SEMA6D: variants seen among roughly 807,000 people sequenced by gnomAD.
SEMA6D encodes semaphorin-6D.
A neutral mutation model predicts 106.6 loss-of-function variants in SEMA6D; 35 were observed. The observed-to-expected ratio is 0.33, with a 90% CI of 0.25 to 0.44. The LOEUF is 0.44. Among genes scored for constraint, SEMA6D ranks in the 20% least tolerant of loss-of-function variants. The pLI is 1.00. For synonymous variants in SEMA6D, 499 were observed against 487.7 expected (o/e 1.02, Z -0.31); for missense variants, 1,185 against 1,345.9 (o/e 0.88, Z 1.87).
At chr15:47,503,826 A>G (rs1459049491) in intron 3 of SEMA6D, among the ~76,000 whole-genome samples, 1 of 152,122 alleles carries the variant, frequency 6.6e-6, no homozygotes, top group Non-Finnish European at 1.5e-5. Context: ...AAGTGAACCA[A>G]ACATCATTTG....
At chr15:47,331,161 A>G in intron 1 of SEMA6D, among the ~76,000 whole-genome samples, 1 of 152,208 alleles carries the variant, frequency 6.6e-6, no homozygotes. Context: ...GGGTCACCAT[A>G]GGAAAATCTG....
chr15:47,595,129 G>A (rs1036360728), intron 3 of SEMA6D, among the ~76,000 whole-genome samples: 1 of 152,124 alleles, frequency 6.6e-6, no homozygotes, highest in South Asian at 2.1e-4. Flanking sequence ...TCAAATGTTG[G>A]TCTAGTAAAA....
chr15:47,547,906 C>G lies in SEMA6D; in HGVS notation c.-86-52959C>G, dbSNP rs549003563. ...AAGAAAAGACAACTCCATTTTCTCACCAACATTCATCCTAAGTTTAGTCCA... is the reference window on the plus strand; with the variant it reads ...AAGAAAAGACAACTCCATTTTCTCAGCAACATTCATCCTAAGTTTAGTCCA... On this transcript the variant is annotated intron_variant, in intron 3 of 19. Coordinates refer to the SEMA6D transcript ENST00000558014. 2.0e-5 allele frequency among the ~76,000 whole-genome samples: 3 copies of G among 152,292 alleles called. No homozygotes were observed. In the East Asian group the frequency reaches 5.8e-4, roughly 29 times the overall value.
intron 3 of SEMA6D, among the ~76,000 whole-genome samples, chr15:47,573,422 T>C (rs2076098574): frequency 6.6e-6 from 1 of 152,214 alleles, no homozygotes; most frequent in Admixed American, 6.5e-5. Context: ...TATTTTTACA[T>C]GACAAACTTC....
intron 1 of SEMA6D, among the ~76,000 whole-genome samples, chr15:47,235,541 A>G (rs571983636): frequency 6.6e-6 from 1 of 152,148 alleles, no homozygotes; most frequent in Non-Finnish European, 1.5e-5. Flanking sequence ...ACATGTGGCT[A>G]TTCAATTTTC....
rs148665966 is a variant in SEMA6D, at chr15:47,766,272, C to T, written c.1646+90C>T. ...TTGCAGAAAACTTCCAATTATACTACTTTTCTTTTTTTTTGTTGTTATGGG... is the reference window on the plus strand; with the variant it reads ...TTGCAGAAAACTTCCAATTATACTATTTTTCTTTTTTTTTGTTGTTATGGG... On this transcript the variant is annotated intron_variant, in intron 15 of 18. Coordinates refer to ENST00000536845, the MANE Select transcript of SEMA6D (RefSeq NM_001358351.3). The T allele has an allele frequency of 5.3e-6, 6 of 1,132,556 alleles. No individual in the cohort carries two copies. The African/African-American group carries it at 9.6e-5, about 18-fold the overall frequency. The allele number at this position is 1,132,556 out of a possible 1,614,324, so 70.2% of individuals were successfully genotyped here.
intron 1 of SEMA6D, among the ~76,000 whole-genome samples, chr15:47,759,365 T>C (rs3809487): frequency 0.26 from 39,838 of 152,008 alleles, 10,034 homozygotes; most frequent in African/African-American, 0.64. Flanking sequence ...GTATTAGATA[T>C]ATTTCAGGAC....
intron 1 of SEMA6D, among the ~76,000 whole-genome samples, chr15:47,234,763 G>A (rs2032432799): frequency 6.6e-6 from 1 of 152,014 alleles, no homozygotes; most frequent in Admixed American, 6.6e-5. Context: ...GGGCACTTAG[G>A]TTGGCTCCAT....
At chr15:47,558,048 G>A (rs985348282) in intron 3 of SEMA6D, among the ~76,000 whole-genome samples, 14 of 152,010 alleles carry the variant, frequency 9.2e-5, no homozygotes, top group South Asian at 2.1e-4. Context: ...CTCACCAGCC[G>A]TCCGTAGACC....
intron 1 of SEMA6D, among the ~76,000 whole-genome samples, chr15:47,308,298 A>G (rs551574951): frequency 1.3e-5 from 2 of 152,242 alleles, no homozygotes; most frequent in East Asian, 3.9e-4. Context: ...CCTTCTTTCC[A>G]GGCCTCAGTT....
intron 1 of SEMA6D, among the ~76,000 whole-genome samples, chr15:47,399,924 G>T (rs1462194143): frequency 1.3e-5 from 2 of 152,144 alleles, no homozygotes; most frequent in African/African-American, 4.8e-5. Context: ...GTAAACACAG[G>T]AACACACTGC....
At chr15:47,493,776 C>T (rs764015243) in intron 3 of SEMA6D, among the ~76,000 whole-genome samples, 46 of 152,138 alleles carry the variant, frequency 3.0e-4, no homozygotes, top group Non-Finnish European at 6.0e-4. Context: ...TTATCCAAGA[C>T]TGATTCCAGG....
rs2034951505 is a variant in SEMA6D at position 47,278,596 on chromosome 15, G to C, written c.-239+94178G>C. 2.0e-5 allele frequency among the ~76,000 whole-genome samples: 3 copies of C among 152,096 alleles called. No homozygotes were observed. In the South Asian group the frequency reaches 6.2e-4, roughly 32 times the overall value. On this transcript the variant is annotated intron_variant, in intron 1 of 19. Transcript: ENST00000558014. ...CAATCTGATGGTAGTTTCTTTTGCTGTGCAGAGGCTCTTTAGTTTAATTAG... is the reference window on the plus strand; with the variant it reads ...CAATCTGATGGTAGTTTCTTTTGCTCTGCAGAGGCTCTTTAGTTTAATTAG...
chr15:47,187,117 A>T (rs1893631416), intron 1 of SEMA6D, among the ~76,000 whole-genome samples: 1 of 152,190 alleles, frequency 6.6e-6, no homozygotes, highest in Non-Finnish European at 1.5e-5. Context: ...GTTGTCTAGG[A>T]ACTGAAGGAA....
At chr15:47,628,334 A>C (rs1455145187) in intron 4 of SEMA6D, among the ~76,000 whole-genome samples, 3 of 152,078 alleles carry the variant, frequency 2.0e-5, no homozygotes, top group Admixed American at 2.0e-4. Context: ...AGAAACTGCC[A>C]AGTTGTTTTA....
intron 2 of SEMA6D, among the ~76,000 whole-genome samples, chr15:47,444,948 G>T (rs2041985880): frequency 6.6e-6 from 1 of 152,130 alleles, no homozygotes; most frequent in African/African-American, 2.4e-5. Flanking sequence ...GAATGTGGGG[G>T]TTTTACTGAG....
At chr15:47,621,539 G>A (rs1024874723) in intron 4 of SEMA6D, among the ~76,000 whole-genome samples, 13 of 152,156 alleles carry the variant, frequency 8.5e-5, no homozygotes, top group East Asian at 1.9e-4. Context: ...GGCAATTTCC[G>A]GGGTCCCCAG....
chr15:47,553,443 G>A (rs563169138), intron 3 of SEMA6D, among the ~76,000 whole-genome samples: 25 of 152,206 alleles, frequency 1.6e-4, no homozygotes, highest in African/African-American at 5.8e-4. Context: ...CCACACCCGC[G>A]CCTATCAGCC....
chr15:47,495,575 A>G (rs1432773477), intron 3 of SEMA6D, among the ~76,000 whole-genome samples: 1 of 152,078 alleles, frequency 6.6e-6, no homozygotes, highest in Non-Finnish European at 1.5e-5. Context: ...AACATTAAAA[A>G]AAGAGAAGGA....
Sources: allele counts gnomAD v4.1 joint callset (sites outside exome capture counted in the v4.1 genomes callset), GRCh38; gene constraint gnomAD v4.1.1; transcripts MANE v1.5; gene names NCBI Gene and HGNC (gene_info 2026-07-23, HGNC 2026-07-21).